ABCC11: variants seen among roughly 807,000 people sequenced by gnomAD.
ABCC11 encodes the protein ATP binding cassette subfamily C member 11.
A neutral mutation model predicts 149.3 loss-of-function variants in ABCC11; 135 were observed. The observed-to-expected ratio is 0.90, with a 90% CI of 0.79 to 1.04. The LOEUF (loss-of-function observed/expected upper bound fraction) is 1.04. ABCC11 is among the 50% of genes least tolerant of loss of function. The pLI is 0.00. For synonymous variants in ABCC11, 665 were observed against 671.4 expected (o/e 0.99, Z 0.15); for missense variants, 1,680 against 1,722.1 (o/e 0.98, Z 0.43).
At chr16:48,228,489 G>A (rs1309308553) in intron 3 of ABCC11, among the ~76,000 whole-genome samples, 5 of 152,016 alleles carry the variant, frequency 3.3e-5, no homozygotes, top group Non-Finnish European at 5.9e-5. Flanking sequence ...CCAGCTACTC[G>A]GGAGGCTGAG....
At position 48,200,462 on chromosome 16, in the gene ABCC11, G is replaced by A. The variant is rs779644618; in HGVS notation, c.1896C>T (p.Leu632=). The A allele has an allele frequency of 1.2e-6, 2 of 1,614,112 alleles. No individual in the cohort carries two copies. Among genetic ancestry groups the A allele is most frequent in the South Asian group, 2.2e-5 (2 of 91,064 alleles). Residue 632 remains leucine (L), a synonymous_variant, in exon 15 of 30, where the codon CTC becomes CTT. Coordinates refer to ENST00000356608, the MANE Select transcript of ABCC11 (RefSeq NM_001370497.1). ...TCTGTTTCTGCCCCCCAGAGAGGTT[G>A]AGGCCCCGCTCTCCAATCTGCAGAC... ...GDMTEIGERG[L]NLSGGQKQRI...
intron 4 of ABCC11, among the ~76,000 whole-genome samples, chr16:48,226,344 G>A (rs577566343): frequency 2.5e-4 from 36 of 146,298 alleles, no homozygotes; most frequent in African/African-American, 7.6e-4. Context: ...GCGCAATCTC[G>A]GCTTACTATA....
Position 48,170,131 on chromosome 16 carries a change from C to A in ABCC11, c.3865G>T (p.Ala1289Ser). 6.2e-7 allele frequency: 1 copy of A among 1,614,072 alleles called. No homozygotes were observed. The highest frequency in any genetic ancestry group is 1.1e-5 in the South Asian group (1 of 91,080). Residue 1289 changes from alanine (A) to serine (S), a missense_variant, in exon 28 of 30, where the codon GCC becomes TCC. Physicochemically the swap from Ala to Ser is moderately conservative, Grantham distance 99. Coordinates refer to ENST00000356608, the MANE Select transcript of ABCC11 (RefSeq NM_001370497.1). Reference sequence around the variant, plus strand: ...TTGGAGTTGCGAAGCACAGCCCTGGCAATGCAGAGCAGCTGCCTCTCCCCC... The same window carrying A: ...TTGGAGTTGCGAAGCACAGCCCTGGAAATGCAGAGCAGCTGCCTCTCCCCC... Reference protein sequence around the residue: ...SVGERQLLCIARAVLRNSKII... With the variant: ...SVGERQLLCISRAVLRNSKII...
At chr16:48,240,185 A>G (rs904453785) in intron 1 of ABCC11, among the ~76,000 whole-genome samples, 11 of 152,218 alleles carry the variant, frequency 7.2e-5, no homozygotes, top group Non-Finnish European at 1.6e-4. Flanking sequence ...TACATACCCA[A>G]AGGAATATAA....
Position 48,214,887 on chromosome 16 carries a change from C to T in ABCC11, c.1242G>A (p.Ala414=), listed in dbSNP as rs58759389. 1.3e-3 allele frequency: 2,073 copies of T among 1,614,134 alleles called. 24 individuals carry two copies. In the African/African-American group the frequency reaches 0.024, roughly 18 times the overall value. ...IHTSLKLKLT[A]SMAFSMLASL... ...AAGCCCCCCAAACCCTTACCATTGA[C>T]GCTGTGAGTTTCAGCTTTAAGGATG... Residue 414 remains alanine (A), a synonymous_variant, in exon 9 of 30, where the codon GCG becomes GCA. Transcript: ENST00000356608.
chr16:48,227,720 C>G (rs1175652634), intron 4 of ABCC11, 86 bp downstream of exon 4: 2 of 1,581,836 alleles, frequency 1.3e-6, no homozygotes. Context: ...ATGGCCCCTC[C>G]CTACCACCCT....
At chr16:48,192,212 G>A (rs1482222642) in intron 20 of ABCC11, among the ~76,000 whole-genome samples, 1 of 152,108 alleles carries the variant, frequency 6.6e-6, no homozygotes, top group African/African-American at 2.4e-5. Context: ...GGGGGGCCGA[G>A]GTGGATGGAT....
chr16:48,173,048 A>C (rs1965819074), intron 26 of ABCC11, among the ~76,000 whole-genome samples: 3 of 152,226 alleles, frequency 2.0e-5, no homozygotes, highest in Non-Finnish European at 4.4e-5. Context: ...TATTTGCATG[A>C]CATTTGATAT....
At chr16:48,232,156 CCTT>C in intron 1 of ABCC11, 1 of 1,158,940 alleles carries the variant, frequency 8.6e-7, no homozygotes, top group Non-Finnish European at 1.1e-6. Context: ...CTTAGTGAAA[CCTT>C]CTCTAACCAC....
intron 12 of ABCC11, among the ~76,000 whole-genome samples, chr16:48,207,362 G>A (rs901420902): frequency 1.3e-5 from 2 of 151,998 alleles, no homozygotes; most frequent in African/African-American, 2.4e-5. Flanking sequence ...TGGGTTTGGG[G>A]TTTTTTTGAA....
In ABCC11 at chr16:48,215,003, A is replaced by G. The variant is rs146901602; in HGVS notation, c.1126T>C (p.Leu376=). 4.0e-5 allele frequency: 65 copies of G among 1,614,042 alleles called. 1 individual carries two copies. In the South Asian group the frequency reaches 6.6e-4, roughly 16 times the overall value. The part of the protein sequence containing the change: ...EDLRRKERKL[L]EKCGLVQSLT... Reference sequence around the variant, plus strand: ...CTCTGGACAAGCCCGCACTTCTCCAATAGTTTCCTTTCCTTCCTTCTTAGG... The same window carrying G: ...CTCTGGACAAGCCCGCACTTCTCCAGTAGTTTCCTTTCCTTCCTTCTTAGG... The change falls in exon 9 of 30, where the codon TTG becomes CTG. Residue 376 remains leucine, a synonymous_variant. Transcript: ENST00000356608.
At chr16:48,207,866 C>A (rs188414470) in intron 12 of ABCC11, among the ~76,000 whole-genome samples, 1 of 101,426 alleles carries the variant, frequency 9.9e-6, no homozygotes, top group Non-Finnish European at 2.8e-5. Context: ...TACCCCACTG[C>A]CAGAGTACGA....
chr16:48,190,288 G>A (rs1966863466), intron 20 of ABCC11, among the ~76,000 whole-genome samples: 1 of 151,980 alleles, frequency 6.6e-6, no homozygotes, highest in Non-Finnish European at 1.5e-5. Context: ...GCAGAACCTG[G>A]CACATAGTAA....
At chr16:48,208,221 G>A (rs779101087) in intron 12 of ABCC11, among the ~76,000 whole-genome samples, 28 of 152,138 alleles carry the variant, frequency 1.8e-4, no homozygotes, top group Non-Finnish European at 3.5e-4. Context: ...CACCAGGAGC[G>A]CTGCCACAAG....
intron 23 of ABCC11, 28 bp from the exon 24 acceptor site, chr16:48,178,714 C>T: frequency 4.4e-6 from 7 of 1,604,052 alleles, no homozygotes; most frequent in Non-Finnish European, 6.0e-6. Flanking sequence ...TATCGGGGGT[C>T]AAGAGGCTGC....
intron 19 of ABCC11, 81 bp from the exon 20 acceptor site, chr16:48,192,798 G>C (rs1439586872): frequency 7.4e-7 from 1 of 1,350,414 alleles, no homozygotes; most frequent in African/African-American, 1.4e-5. Flanking sequence ...CTGGGGCCAC[G>C]TGAGAATCTG....
At chr16:48,232,975 G>T (rs1642921579) in intron 1 of ABCC11, among the ~76,000 whole-genome samples, 1 of 152,178 alleles carries the variant, frequency 6.6e-6, no homozygotes, top group South Asian at 2.1e-4. Context: ...TGAGGCGGGA[G>T]GACTGCTTGA....
intron 21 of ABCC11, 47 bp downstream of exon 21, chr16:48,187,154 G>T (rs1177065355): frequency 3.1e-6 from 5 of 1,613,382 alleles, no homozygotes; most frequent in Non-Finnish European, 4.2e-6. Flanking sequence ...AGTCTGGGTT[G>T]GTCCCAGCCT....
intron 23 of ABCC11, among the ~76,000 whole-genome samples, chr16:48,180,685 T>C (rs1966373243): frequency 6.6e-6 from 1 of 152,198 alleles, no homozygotes; most frequent in South Asian, 2.1e-4. Flanking sequence ...CTGGCTTGAC[T>C]GGAGCAGAGG....
Sources: gnomAD v4.1 joint callset for allele counts (sites outside exome capture counted in the v4.1 genomes callset) on GRCh38, gnomAD v4.1.1 for gene constraint, MANE v1.5 for transcripts, NCBI Gene and HGNC (gene_info 2026-07-23, HGNC 2026-07-21) for gene names.